The following LHFPL3 variants were observed in gnomAD, a reference collection of about 807,000 sequenced individuals.
The protein encoded by LHFPL3 is LHFPL tetraspan subfamily member 3.
LHFPL3 carries 5 observed loss-of-function variants against 19.3 expected under a neutral mutation model. The observed-to-expected ratio is 0.26, with a 90% CI of 0.14 to 0.54. The LOEUF (loss-of-function observed/expected upper bound fraction) is 0.54, where lower values mean the gene tolerates loss of function less well. LHFPL3 is among the 20% of genes least tolerant of loss of function. The pLI, the probability that LHFPL3 is intolerant of heterozygous loss-of-function variation, is 0.94. For missense variants in LHFPL3, 249 were observed against 307.4 expected (o/e 0.81, Z 1.42); for synonymous variants, 133 against 126.2 (o/e 1.05, Z -0.36).
chr7:104,832,679 G>A (rs1373914422), intron 2 of LHFPL3, among the ~76,000 whole-genome samples: 3 of 141,076 alleles, frequency 2.1e-5, no homozygotes, highest in Non-Finnish European at 4.5e-5. Context: ...CAGATGGTTA[G>A]AATAACCCAG....
intron 2 of LHFPL3, among the ~76,000 whole-genome samples, chr7:104,742,894 T>C (rs1375227943): frequency 6.6e-6 from 1 of 151,894 alleles, no homozygotes; most frequent in Non-Finnish European, 1.5e-5. Context: ...CGAGTCAGGA[T>C]GATCACTGGG....
intron 1 of LHFPL3, among the ~76,000 whole-genome samples, chr7:104,600,068 T>C (rs1333301155): frequency 6.6e-6 from 1 of 152,222 alleles, no homozygotes; most frequent in Non-Finnish European, 1.5e-5. Context: ...GCCTGCTGTC[T>C]GTGTACAGAA....
At chr7:104,903,218 A>T (rs1258306494) in intron 2 of LHFPL3, among the ~76,000 whole-genome samples, 1 of 152,060 alleles carries the variant, frequency 6.6e-6, no homozygotes, top group Admixed American at 6.6e-5. Context: ...CTTTTCCTTC[A>T]TCCTGTGATG....
intron 1 of LHFPL3, among the ~76,000 whole-genome samples, chr7:104,369,358 A>G (rs1790564627): frequency 6.6e-6 from 1 of 152,246 alleles, no homozygotes; most frequent in African/African-American, 2.4e-5. Flanking sequence ...TTTCACTAAT[A>G]TAATGCTTTT....
chr7:104,391,419 C>A (rs1209601736), intron 1 of LHFPL3, among the ~76,000 whole-genome samples: 1 of 152,148 alleles, frequency 6.6e-6, no homozygotes, highest in Non-Finnish European at 1.5e-5. Flanking sequence ...CCGGTTTTCC[C>A]AGCACCATTT....
intron 1 of LHFPL3, among the ~76,000 whole-genome samples, chr7:104,614,219 A>G (rs1437578381): frequency 6.6e-6 from 1 of 152,176 alleles, no homozygotes; most frequent in Admixed American, 6.5e-5. Flanking sequence ...TGTCTTGGTC[A>G]GGGCCTTTCT....
At chr7:104,553,312 A>G (rs1198639518) in intron 1 of LHFPL3, among the ~76,000 whole-genome samples, 1 of 152,172 alleles carries the variant, frequency 6.6e-6, no homozygotes, top group Non-Finnish European at 1.5e-5. Flanking sequence ...GGCAGCCCAC[A>G]GCAACTGTAC....
intron 2 of LHFPL3, among the ~76,000 whole-genome samples, chr7:104,832,927 C>T (rs1790984091): frequency 1.6e-5 from 2 of 124,230 alleles, no homozygotes; most frequent in Admixed American, 9.7e-5. Context: ...GTGTATTAGT[C>T]AGGGTTCTCT....
intron 1 of LHFPL3, among the ~76,000 whole-genome samples, chr7:104,711,917 A>G (rs1233060039): frequency 6.6e-6 from 1 of 152,224 alleles, no homozygotes; most frequent in Non-Finnish European, 1.5e-5. Context: ...TATCAAGAGC[A>G]TAACAACGTA....
At chr7:104,374,662 G>T (rs953263196) in intron 1 of LHFPL3, among the ~76,000 whole-genome samples, 1 of 152,170 alleles carries the variant, frequency 6.6e-6, no homozygotes, top group Non-Finnish European at 1.5e-5. Flanking sequence ...TGGGGTGTTA[G>T]AAACACGTGG....
intron 1 of LHFPL3, among the ~76,000 whole-genome samples, chr7:104,332,223 C>CTTTTTTTTTTTTTTTTT (rs1183733733): frequency 1.6e-5 from 1 of 63,934 alleles, no homozygotes; most frequent in South Asian, 6.6e-4. Flanking sequence ...TATTTCTTTT[C>CTTTTTTTTTTTTTTTTT]TTTTTTTTTT....
intron 1 of LHFPL3, among the ~76,000 whole-genome samples, chr7:104,511,111 CAAAACCCAACAG>C (rs1562920876): frequency 6.6e-6 from 1 of 151,990 alleles, no homozygotes; most frequent in Non-Finnish European, 1.5e-5. Flanking sequence ...AAAGAACTCT[CAAAACCCAACAG>C]TAAAAATACA....
chr7:104,706,727 CA>C (rs1229984168), intron 1 of LHFPL3, among the ~76,000 whole-genome samples: 1 of 152,166 alleles, frequency 6.6e-6, no homozygotes, highest in African/African-American at 2.4e-5. Context: ...TGCCTTATAA[CA>C]GCCTCCTCTT....
chr7:104,872,502 G>T (rs1365546024), intron 2 of LHFPL3, among the ~76,000 whole-genome samples: 1 of 151,994 alleles, frequency 6.6e-6, no homozygotes, highest in Non-Finnish European at 1.5e-5. Flanking sequence ...CAAAATAGCT[G>T]GGTGTGGTGG....
At chr7:104,574,341 C>A (rs1462042781) in intron 1 of LHFPL3, among the ~76,000 whole-genome samples, 2 of 152,208 alleles carry the variant, frequency 1.3e-5, no homozygotes, top group South Asian at 4.1e-4. Context: ...GGGACAAGAA[C>A]AAGCTCTGCT....
At chr7:104,478,461 C>A (rs1793069254) in intron 1 of LHFPL3, among the ~76,000 whole-genome samples, 1 of 151,906 alleles carries the variant, frequency 6.6e-6, no homozygotes, top group Non-Finnish European at 1.5e-5. Context: ...TCACATGGAC[C>A]CAGAAAGTCT....
intron 2 of LHFPL3, among the ~76,000 whole-genome samples, chr7:104,761,100 T>C (rs1794364413): frequency 6.6e-6 from 1 of 152,260 alleles, no homozygotes; most frequent in African/African-American, 2.4e-5. Flanking sequence ...GGAGCATTTA[T>C]GTGTTCAAAA....
chr7:104,409,338 GTGTC>G (rs1341816843), intron 1 of LHFPL3, among the ~76,000 whole-genome samples: 1 of 135,842 alleles, frequency 7.4e-6, no homozygotes, highest in African/African-American at 2.7e-5. Context: ...GTGTGTGTGT[GTGTC>G]TGTGTGAAAG....
At chr7:104,830,709 A>G (rs564081294) in intron 2 of LHFPL3, among the ~76,000 whole-genome samples, 2 of 151,900 alleles carry the variant, frequency 1.3e-5, no homozygotes, top group Non-Finnish European at 2.9e-5. Context: ...TTTTGGTACC[A>G]GTACCATGCT....
Sources: allele counts gnomAD v4.1 joint callset (sites outside exome capture counted in the v4.1 genomes callset), GRCh38; gene constraint gnomAD v4.1.1; transcripts MANE v1.5; gene names NCBI Gene and HGNC (gene_info 2026-07-23, HGNC 2026-07-21).